Variants in COL8A2 observed in about 807,000 individuals in gnomAD.
COL8A2 encodes collagen alpha-2(VIII) chain.
A neutral mutation model predicts 24.0 loss-of-function variants in COL8A2; 16 were observed. The observed-to-expected ratio is 0.67, with a 90% CI of 0.45 to 1.01. The LOEUF is 1.01. Ranked by LOEUF, COL8A2 falls within the 50% of genes least tolerant of loss-of-function variation. The probability of loss-of-function intolerance (pLI) is 0.00; values close to 1 mark genes in which losing one functional copy is unlikely to be tolerated. For synonymous variants in COL8A2, 466 were observed against 424.5 expected (o/e 1.10, Z -1.20); for missense variants, 818 against 942.4 (o/e 0.87, Z 1.73).
In COL8A2 at chr1:36,098,374, C is replaced by G; in HGVS notation, c.1307G>C (p.Gly436Ala). The G allele has an allele frequency of 6.4e-7, 1 of 1,554,258 alleles. No individual in the cohort carries two copies. Among genetic ancestry groups the G allele is most frequent in the Non-Finnish European group, 8.7e-7 (1 of 1,149,250 alleles). Reference sequence around the variant, plus strand: ...CAGGGCTCCTGCCACCCCTGGTCCTCCAGGGCGACCCGTGAAACCCGGCTC... The same window carrying G: ...CAGGGCTCCTGCCACCCCTGGTCCTGCAGGGCGACCCGTGAAACCCGGCTC... ...KGEPGFTGRP[G>A]GPGVAGALGQ... Residue 436 changes from glycine to alanine, a missense_variant, in exon 4 of 4, where the codon GGA (glycine) becomes GCA (alanine). Gly to Ala is a moderately conservative substitution (Grantham distance 60). Around this residue, in one of 3 missense-constraint regions of COL8A2, gnomAD observed 573 missense variants for 616.8 expected, o/e 0.93. Coordinates refer to ENST00000397799, the MANE Select transcript of COL8A2 (RefSeq NM_005202.4).
chr1:36,099,185 G>T lies in COL8A2; in HGVS notation c.496C>A (p.Pro166Thr), dbSNP rs1185085337. ...GPPGPPGLPG[P>T]SGITIPGKPG... The stretch of plus-strand genomic sequence containing the variant: ...TTTCCAGGGATAGTAATGCCTGAGG[G>T]GCCCGGGAGGCCAGGGGGTCCTGGG... Residue 166 changes from proline to threonine, a missense_variant, in exon 4 of 4, where the codon CCC becomes ACC. Physicochemically the swap from Pro to Thr is conservative, Grantham distance 38. Around this residue, in one of 3 missense-constraint regions of COL8A2, gnomAD observed 573 missense variants for 616.8 expected, o/e 0.93. Transcript: ENST00000397799. The T allele has an allele frequency of 4.6e-6, 7 of 1,507,982 alleles. No individual in the cohort carries two copies. In the East Asian group the frequency reaches 1.2e-4, roughly 26 times the overall value. The allele number at this position is 1,507,982 out of a possible 1,614,324, so 93.4% of individuals were successfully genotyped here.
chr1:36,099,012 AC>A lies in COL8A2; in HGVS notation c.668del (p.Gly223ValfsTer14), dbSNP rs1367797072. On this transcript the variant is annotated frameshift_variant, in exon 4 of 4. Coordinates refer to ENST00000397799, the MANE Select transcript of COL8A2 (RefSeq NM_005202.4). LOFTEE classifies it low-confidence loss of function (END_TRUNC). ...CAGGGAGGCCGGGGGGGCCGGGGGC[AC>A]CCCCCTGCCCTGGGGCCCCAGGCAG... Reference protein sequence around the residue: ...PGLPGAPGQGGAPGPPGLPGP... With the variant: ...PGLPGAPGQGXAPGPPGLPGP... 3.9e-6 allele frequency: 6 copies of A among 1,552,380 alleles called. No individual in the cohort carries two copies. The highest frequency in any genetic ancestry group is 2.6e-6 in the Non-Finnish European group (3 of 1,145,920).
chr1:36,112,035 G>T (rs539107661), intron 2 of COL8A2, among the ~76,000 whole-genome samples: 2 of 151,994 alleles, frequency 1.3e-5, no homozygotes, highest in Admixed American at 6.6e-5. Flanking sequence ...ACGGAGTCTC[G>T]CTCTGTTGCC....
In COL8A2 at chr1:36,099,383, GT is replaced by G; in HGVS notation, c.297del (p.Lys99AsnfsTer138). ...TGGAGTCCTGGCTTTCCCATGCCTG[GT>G]TTTCCTGGGAAGCCAGGGGGGCCAG... ...GPPGPPGFPG[K>X]PGMGKPGLHG... is the part of the protein sequence containing the mutation. On this transcript the variant is annotated frameshift_variant, in exon 4 of 4. Coordinates refer to ENST00000397799, the MANE Select transcript of COL8A2 (RefSeq NM_005202.4). LOFTEE classifies it low-confidence loss of function (END_TRUNC). 1 of 1,562,822 alleles carries G rather than the reference GT, an allele frequency of 6.4e-7. No homozygotes were observed. Among genetic ancestry groups the G allele is most frequent in the Non-Finnish European group, 8.6e-7 (1 of 1,157,902 alleles).
intron 1 of COL8A2, among the ~76,000 whole-genome samples, chr1:36,117,590 T>G (rs1643886072): frequency 6.6e-6 from 1 of 152,218 alleles, no homozygotes; most frequent in Non-Finnish European, 1.5e-5. Flanking sequence ...CAGGTACCGT[T>G]CTGGGTGTTC....
intron 1 of COL8A2, among the ~76,000 whole-genome samples, chr1:36,120,080 G>A (rs532686753): frequency 3.9e-5 from 6 of 152,170 alleles, no homozygotes; most frequent in Admixed American, 2.6e-4. Context: ...CAGCCCTCAC[G>A]GTTCTGGGCT....
Position 36,098,535 on chromosome 1 carries a change from C to T in COL8A2, c.1146G>A (p.Gly382=), listed in dbSNP as rs1385973116. The T allele has an allele frequency of 6.3e-7, 1 of 1,597,828 alleles. No individual in the cohort carries two copies. The highest frequency in any genetic ancestry group is 1.1e-5 in the South Asian group (1 of 88,784). The change falls in exon 4 of 4, where the codon GGG becomes GGA. Residue 382 remains glycine, a synonymous_variant. Coordinates refer to ENST00000397799, the MANE Select transcript of COL8A2 (RefSeq NM_005202.4). ...RGPPGPKGEA[G]PGGPPGVPGI... ...CAGGCACTCCTGGGGGTCCTCCAGGCCCTGCCTCACCCTTAGGCCCAGGGG... is the reference window on the plus strand; with the variant it reads ...CAGGCACTCCTGGGGGTCCTCCAGGTCCTGCCTCACCCTTAGGCCCAGGGG...
In COL8A2 at chr1:36,115,295, C is replaced by T. The variant is rs1221579407; in HGVS notation, c.-17+413G>A. 2.0e-5 allele frequency among the ~76,000 whole-genome samples: 3 copies of T among 152,118 alleles called. No homozygotes were observed. The highest frequency in any genetic ancestry group is 1.9e-4 in the East Asian group (1 of 5,174). On this transcript the variant is annotated intron_variant, in intron 2 of 3. Transcript: ENST00000397799. This position sits in a 1 kb window ranked among gnomAD's most constrained non-coding sequence, Gnocchi z 5.7. ...TTCGCATTTGCAGCCTTTTCCGGAG[C>T]GCCACCCGCCACCCGCTGCCTCCCC...
chr1:36,122,012 T>C (rs908409844), intron 1 of COL8A2, among the ~76,000 whole-genome samples: 1 of 152,112 alleles, frequency 6.6e-6, no homozygotes, highest in African/African-American at 2.4e-5. Context: ...TCCCAGCCCA[T>C]CCAGGCTGCA....
At chr1:36,099,633 G>A in intron 3 of COL8A2, 146 bp from the exon 4 acceptor site, 1 of 700,090 alleles carries the variant, frequency 1.4e-6, no homozygotes, top group Non-Finnish European at 2.5e-6. Context: ...GATGGGGTTT[G>A]GGGGTGGCCC....
At chr1:36,104,604 G>C (rs1191752755) in intron 2 of COL8A2, among the ~76,000 whole-genome samples, 2 of 151,970 alleles carry the variant, frequency 1.3e-5, no homozygotes, top group Admixed American at 6.6e-5. Context: ...TCAGGAGATC[G>C]AGATCATAGT....
At chr1:36,118,555 C>T (rs556822478) in intron 1 of COL8A2, among the ~76,000 whole-genome samples, 2 of 152,346 alleles carry the variant, frequency 1.3e-5, no homozygotes, top group Non-Finnish European at 2.9e-5. Flanking sequence ...TTAACCTTCA[C>T]CCCCAGCTGC....
rs1643578190 is a variant in COL8A2, at chr1:36,097,028, C to T, written c.*541G>A. ...TGCCACAGCATCACCATGGGGGCTG[C>T]AGTCCTGGCAGGGTGTCCACACTCG... is the stretch of plus-strand genomic sequence containing the variant. On this transcript the variant is annotated 3_prime_UTR_variant, in exon 4 of 4. Coordinates refer to ENST00000397799, the MANE Select transcript of COL8A2 (RefSeq NM_005202.4). The T allele has an allele frequency of 6.3e-6, 1 of 159,250 alleles. No homozygotes were observed. Among genetic ancestry groups the T allele is most frequent in the Non-Finnish European group, 1.4e-5 (1 of 71,722 alleles). The allele number at this position is 159,250 out of a possible 1,614,324, so 9.9% of individuals were successfully genotyped here. A position where few individuals can be genotyped will look rare whatever the true frequency, so the allele number is the denominator to read the frequency against.
At chr1:36,121,957 G>T (rs1051899152) in intron 1 of COL8A2, among the ~76,000 whole-genome samples, 1 of 151,976 alleles carries the variant, frequency 6.6e-6, no homozygotes, top group African/African-American at 2.4e-5. Context: ...CTAGCCCTCC[G>T]CCACCCCCAC....
intron 2 of COL8A2, among the ~76,000 whole-genome samples, chr1:36,108,946 G>T (rs1385203669): frequency 2.0e-5 from 3 of 152,188 alleles, no homozygotes; most frequent in Non-Finnish European, 4.4e-5. Flanking sequence ...CCATTTCACA[G>T]GTGAGCGATC....
chr1:36,099,514 CAG>C lies in COL8A2; in HGVS notation c.194-29_194-28del, dbSNP rs750152358. The stretch of plus-strand genomic sequence containing the variant: ...TGAGAAAGAAAGAGAAAGGGGCAGT[CAG>C]GGGCCTGAACTGTGGGGACAGGGGA... On this transcript the variant is annotated intron_variant, in intron 3 of 3. Coordinates refer to ENST00000397799, the MANE Select transcript of COL8A2 (RefSeq NM_005202.4). 15 of 1,492,198 alleles carry C rather than the reference CAG, an allele frequency of 1.0e-5. No homozygotes were observed. The South Asian group carries it at 1.4e-4, about 14-fold the overall frequency. 92.4% of individuals were successfully genotyped at this position (1,492,198 alleles called of 1,614,324 possible). A position where few individuals can be genotyped will look rare whatever the true frequency, so the allele number is the denominator to read the frequency against.
At chr1:36,113,751 C>A (rs1643866020) in intron 2 of COL8A2, among the ~76,000 whole-genome samples, 1 of 152,256 alleles carries the variant, frequency 6.6e-6, no homozygotes, top group Admixed American at 6.5e-5. Flanking sequence ...CCCTACCAGA[C>A]TTCAGTTCCA....
chr1:36,096,799 CTG>C lies in COL8A2; in HGVS notation c.*768_*769del, dbSNP rs1450905880. 1 of 152,464 alleles carries C rather than the reference CTG, an allele frequency of 6.6e-6. No homozygotes were observed. Among genetic ancestry groups the C allele is most frequent in the African/African-American group, 2.4e-5 (1 of 41,464 alleles). The allele number at this position is 152,464 out of a possible 1,614,324, so 9.4% of individuals were successfully genotyped here. A position where few individuals can be genotyped will look rare whatever the true frequency, so the allele number is the denominator to read the frequency against. ...TGGCCTGTAGGTGTCCCAGGGGCCT[CTG>C]TGCTGCCCTCAAGCTAAACAGCCAG... On this transcript the variant is annotated 3_prime_UTR_variant, in exon 4 of 4. Transcript: ENST00000397799.
chr1:36,099,426 G>A lies in COL8A2; in HGVS notation c.255C>T (p.Pro85=), dbSNP rs746739590. 3.4e-5 allele frequency: 52 copies of A among 1,546,564 alleles called. No homozygotes were observed. The highest frequency in any genetic ancestry group is 9.5e-5 in the African/African-American group (7 of 73,514). The part of the protein sequence containing the change: ...LKGEPGPPGK[P]GPRGPPGPPG... ...GGGGGCCAGGGGGACCCCGAGGCCCGGGCTTCCCAGGGGGGCCGGGCTCTC... is the reference window on the plus strand; with the variant it reads ...GGGGGCCAGGGGGACCCCGAGGCCCAGGCTTCCCAGGGGGGCCGGGCTCTC... The change falls in exon 4 of 4, where the codon CCC becomes CCT. Residue 85 remains proline, a synonymous_variant. Coordinates refer to ENST00000397799, the MANE Select transcript of COL8A2 (RefSeq NM_005202.4).
Sources: gnomAD v4.1 joint callset for allele counts (sites outside exome capture counted in the v4.1 genomes callset) on GRCh38, gnomAD v4.1.1 for gene constraint, gnomAD v4.1.1 regional missense constraint, Gnocchi (gnomAD v3.1) non-coding constraint, MANE v1.5 for transcripts, NCBI Gene and HGNC (gene_info 2026-07-23, HGNC 2026-07-21) for gene names.